NRXN3: variants seen among roughly 807,000 people sequenced by gnomAD.
The protein encoded by NRXN3 is neurexin III.
In NRXN3, 32 loss-of-function variants were observed where a neutral mutation model predicts 137.6. The ratio of observed to expected loss-of-function variants is 0.23; its 90% CI spans 0.18 to 0.31. The LOEUF is 0.31. NRXN3 is among the 10% of genes least tolerant of loss of function. The pLI, the probability that NRXN3 is intolerant of heterozygous loss-of-function variation, is 1.00. For synonymous variants in NRXN3, 798 were observed against 784.5 expected (o/e 1.02, Z -0.29); for missense variants, 1,574 against 2,062.5 (o/e 0.76, Z 4.59).
At chr14:79,295,892 CT>C (rs1331543472) in intron 15 of NRXN3, among the ~76,000 whole-genome samples, 2 of 152,144 alleles carry the variant, frequency 1.3e-5, no homozygotes, top group African/African-American at 4.8e-5. Flanking sequence ...ACTTTTTTCG[CT>C]ATAGAAGTTT....
rs564489155 is a variant in NRXN3, at chr14:79,136,202, A to G, written c.3262+148061A>G. On this transcript the variant is annotated intron_variant, in intron 15 of 20. Transcript: ENST00000335750. ...GCCTATGGTTATGTCAGTGGCCTCT[A>G]TGATACTCCCTAAAGGCGTAATTTA... is the stretch of plus-strand genomic sequence containing the variant. Among the ~76,000 whole-genome samples the G allele has an allele frequency of 4.6e-5, 7 of 152,332 alleles. No individual in the cohort carries two copies. The East Asian group carries it at 7.7e-4, about 17-fold the overall frequency.
chr14:79,744,365 G>C (rs574875014), intron 19 of NRXN3, among the ~76,000 whole-genome samples: 2 of 152,100 alleles, frequency 1.3e-5, no homozygotes, highest in African/African-American at 4.8e-5. Flanking sequence ...CAGTCACAAC[G>C]CTTTAATGTG....
intron 17 of NRXN3, among the ~76,000 whole-genome samples, chr14:79,669,785 C>T (rs957931193): frequency 1.3e-5 from 2 of 152,022 alleles, no homozygotes; most frequent in Admixed American, 6.6e-5. Flanking sequence ...TCAGGCACCA[C>T]CCCGTACCTG....
chr14:79,486,322 T>C (rs2153647750), intron 16 of NRXN3, among the ~76,000 whole-genome samples: 1 of 152,354 alleles, frequency 6.6e-6, no homozygotes. Context: ...TAAAAATATG[T>C]ATATATGTAT....
chr14:79,647,852 A>G (rs1327626151), intron 16 of NRXN3, among the ~76,000 whole-genome samples: 1 of 135,574 alleles, frequency 7.4e-6, no homozygotes, highest in African/African-American at 2.5e-5. Context: ...CTCATGGTAG[A>G]TAGTATTTTT....
intron 4 of NRXN3, among the ~76,000 whole-genome samples, chr14:78,543,498 G>A (rs2096611007): frequency 6.6e-6 from 1 of 151,968 alleles, no homozygotes; most frequent in Non-Finnish European, 1.5e-5. Flanking sequence ...GGTGAGCTGA[G>A]ACTTGGAGCC....
intron 11 of NRXN3, among the ~76,000 whole-genome samples, chr14:78,962,152 T>C (rs956666424): frequency 4.6e-5 from 7 of 152,202 alleles, no homozygotes; most frequent in East Asian, 1.9e-4. Context: ...AGTAAAGATA[T>C]GGGCTTTGGA....
chr14:78,557,348 C>T (rs1339751511), intron 4 of NRXN3, among the ~76,000 whole-genome samples: 2 of 151,824 alleles, frequency 1.3e-5, no homozygotes, highest in Non-Finnish European at 2.9e-5. Context: ...GCCACTGTGC[C>T]TGGCTGAGAT....
intron 4 of NRXN3, among the ~76,000 whole-genome samples, chr14:78,598,856 G>A (rs757167652): frequency 1.3e-5 from 2 of 152,192 alleles, no homozygotes; most frequent in Non-Finnish European, 2.9e-5. Context: ...TGAGTTCTCA[G>A]ATAAACTGGA....
intron 16 of NRXN3, among the ~76,000 whole-genome samples, chr14:79,659,846 A>G (rs892059051): frequency 6.6e-6 from 1 of 152,176 alleles, no homozygotes; most frequent in East Asian, 1.9e-4. Context: ...CATTTATTCT[A>G]TTGAAACAGT....
intron 2 of NRXN3, among the ~76,000 whole-genome samples, chr14:78,253,698 C>G (rs1264223889): frequency 6.6e-6 from 1 of 152,042 alleles, no homozygotes; most frequent in African/African-American, 2.4e-5. Flanking sequence ...AAAAACCAAT[C>G]ATGGGATAAT....
chr14:79,548,962 T>C (rs2097348416), intron 16 of NRXN3, among the ~76,000 whole-genome samples: 1 of 152,052 alleles, frequency 6.6e-6, no homozygotes. Context: ...ATTACCTAAC[T>C]GTGTCCTGTG....
chr14:79,849,004 A>C (rs990850704), intron 20 of NRXN3, among the ~76,000 whole-genome samples: 1 of 152,060 alleles, frequency 6.6e-6, no homozygotes, highest in African/African-American at 2.4e-5. Flanking sequence ...TCAGGTGTAC[A>C]AACTCCACAT....
At chr14:78,688,316 A>C (rs2098140742) in intron 6 of NRXN3, among the ~76,000 whole-genome samples, 4 of 152,224 alleles carry the variant, frequency 2.6e-5, no homozygotes, top group Admixed American at 2.6e-4. Flanking sequence ...AAGGAAATAA[A>C]AAGAGAGAGG....
At chr14:79,754,940 C>T (rs2099014187) in intron 19 of NRXN3, among the ~76,000 whole-genome samples, 1 of 152,070 alleles carries the variant, frequency 6.6e-6, no homozygotes, top group Non-Finnish European at 1.5e-5. Flanking sequence ...CTTTGCTTTC[C>T]CTTCATCTTC....
intron 16 of NRXN3, among the ~76,000 whole-genome samples, chr14:79,650,710 C>T (rs1282688097): frequency 1.3e-5 from 2 of 152,172 alleles, no homozygotes; most frequent in Non-Finnish European, 2.9e-5. Context: ...GATCAATACA[C>T]ACTTGATTTC....
At chr14:79,055,658 A>G (rs941312795) in intron 15 of NRXN3, among the ~76,000 whole-genome samples, 12 of 152,190 alleles carry the variant, frequency 7.9e-5, no homozygotes, top group African/African-American at 2.9e-4. Context: ...TTCTAATCTT[A>G]ATAGGAAAAA....
chr14:78,582,528 A>G (rs2097012477), intron 4 of NRXN3, among the ~76,000 whole-genome samples: 1 of 152,236 alleles, frequency 6.6e-6, no homozygotes, highest in South Asian at 2.1e-4. Context: ...CTCCATTTTC[A>G]TAAATAAATT....
intron 4 of NRXN3, among the ~76,000 whole-genome samples, chr14:78,420,633 C>G (rs189117827): frequency 7.0e-4 from 106 of 152,234 alleles, no homozygotes; most frequent in African/African-American, 2.5e-3. Flanking sequence ...ATATTAATAA[C>G]GAATATTCTC....
Sources: allele counts gnomAD v4.1 joint callset (sites outside exome capture counted in the v4.1 genomes callset), GRCh38; gene constraint gnomAD v4.1.1; transcripts MANE v1.5; gene names NCBI Gene and HGNC (gene_info 2026-07-23, HGNC 2026-07-21).